GMDS: variants seen among roughly 807,000 people sequenced by gnomAD.
GMDS encodes the protein GDP-mannose 4,6 dehydratase.
In GMDS, 20 loss-of-function variants were observed where a neutral mutation model predicts 49.9. That is an observed-to-expected ratio of 0.40 (90% CI 0.28 to 0.58). GMDS has a LOEUF of 0.58. GMDS is among the 20% of genes least tolerant of loss of function. The probability of loss-of-function intolerance (pLI) is 0.42; values close to 1 mark genes in which losing one functional copy is unlikely to be tolerated. For synonymous variants in GMDS, 177 were observed against 178.6 expected, an observed-to-expected ratio of 0.99 and a Z score of 0.07; for missense variants, 362 against 481.4, an observed-to-expected ratio of 0.75 and a Z score of 2.32.
At chr6:2,096,764 A>G (rs1009019527) in intron 4 of GMDS, among the ~76,000 whole-genome samples, 1 of 152,200 alleles carries the variant, frequency 6.6e-6, no homozygotes, top group African/African-American at 2.4e-5. Context: ...GAGGTTCTCC[A>G]TTCAAACAGA....
chr6:1,842,060 A>G (rs2113748407), intron 7 of GMDS, among the ~76,000 whole-genome samples: 1 of 152,260 alleles, frequency 6.6e-6, no homozygotes, highest in East Asian at 1.9e-4. Flanking sequence ...ACCATTCTCC[A>G]TATTCACATA....
At chr6:1,875,148 T>A (rs1458360179) in intron 7 of GMDS, among the ~76,000 whole-genome samples, 1 of 152,116 alleles carries the variant, frequency 6.6e-6, no homozygotes, top group African/African-American at 2.4e-5. Context: ...AAGAATAATA[T>A]CCAATAGAGT....
intron 9 of GMDS, among the ~76,000 whole-genome samples, chr6:1,657,365 C>A (rs750046735): frequency 1.8e-3 from 277 of 152,296 alleles, no homozygotes; most frequent in Admixed American, 2.7e-3. Flanking sequence ...TAGGCAGGTG[C>A]TGAAATGAGA....
intron 7 of GMDS, among the ~76,000 whole-genome samples, chr6:1,826,722 A>G (rs747212431): frequency 3.3e-5 from 5 of 152,168 alleles, no homozygotes; most frequent in African/African-American, 4.8e-5. Context: ...TTCATTTTAG[A>G]AGCCCAGTAT....
intron 7 of GMDS, among the ~76,000 whole-genome samples, chr6:1,927,722 C>A (rs910104923): frequency 1.3e-5 from 2 of 152,196 alleles, no homozygotes; most frequent in South Asian, 2.1e-4. Context: ...ATGACAGCAG[C>A]GTCCTTCTTT....
At chr6:2,198,534 A>G (rs1257832697) in intron 1 of GMDS, among the ~76,000 whole-genome samples, 57 of 151,856 alleles carry the variant, frequency 3.8e-4, no homozygotes, top group Non-Finnish European at 8.8e-5. Flanking sequence ...CATGTTCCAG[A>G]GATCACTGGA....
intron 9 of GMDS, 25 bp downstream of exon 9, chr6:1,726,391 C>A (rs766175296): frequency 1.3e-6 from 2 of 1,511,084 alleles, no homozygotes; most frequent in East Asian, 4.5e-5. Flanking sequence ...TGTGGCCACG[C>A]ACTGGGTGGC....
chr6:1,844,616 C>T (rs1757303376), intron 7 of GMDS, among the ~76,000 whole-genome samples: 1 of 152,176 alleles, frequency 6.6e-6, no homozygotes, highest in Non-Finnish European at 1.5e-5. Flanking sequence ...TAACAACCTA[C>T]ACCTTTTTTC....
intron 7 of GMDS, among the ~76,000 whole-genome samples, chr6:1,877,543 A>G (rs1254215907): frequency 6.7e-6 from 1 of 148,346 alleles, no homozygotes; most frequent in Non-Finnish European, 1.5e-5. Flanking sequence ...GAAGTTGAGG[A>G]GGGAGGATCA....
chr6:1,645,621 C>T (rs1400296703), intron 9 of GMDS, among the ~76,000 whole-genome samples: 1 of 152,214 alleles, frequency 6.6e-6, no homozygotes, highest in Non-Finnish European at 1.5e-5. Context: ...TTTCTGCAGG[C>T]TCTCCTGGGG....
intron 7 of GMDS, among the ~76,000 whole-genome samples, chr6:1,849,427 G>C (rs1561844173): frequency 6.6e-6 from 1 of 152,166 alleles, no homozygotes; most frequent in Non-Finnish European, 1.5e-5. Flanking sequence ...TAGGAATGTA[G>C]TGACTTCATG....
intron 4 of GMDS, among the ~76,000 whole-genome samples, chr6:1,997,947 G>T (rs1444948720): frequency 6.6e-6 from 1 of 152,110 alleles, no homozygotes; most frequent in African/African-American, 2.4e-5. Context: ...GAAATGCAAA[G>T]ATACTGCCTC....
chr6:2,238,104 G>C (rs968604503), intron 1 of GMDS, among the ~76,000 whole-genome samples: 8 of 151,836 alleles, frequency 5.3e-5, no homozygotes, highest in African/African-American at 1.9e-4. Context: ...TTAAGACAAA[G>C]AGGCCAGGTG....
At chr6:2,073,054 A>G (rs1395371451) in intron 4 of GMDS, among the ~76,000 whole-genome samples, 1 of 152,190 alleles carries the variant, frequency 6.6e-6, no homozygotes, top group Non-Finnish European at 1.5e-5. Flanking sequence ...TGTTTCCACC[A>G]TGGGATGTTT....
chr6:2,048,223 C>T (rs71552106), intron 4 of GMDS, among the ~76,000 whole-genome samples: 1,642 of 152,318 alleles, frequency 0.011, 25 homozygotes, highest in Non-Finnish European at 0.016. Flanking sequence ...AAATATTCTA[C>T]TCTATCATGT....
At chr6:1,861,697 G>C (rs997402539) in intron 7 of GMDS, among the ~76,000 whole-genome samples, 3 of 152,070 alleles carry the variant, frequency 2.0e-5, no homozygotes, top group African/African-American at 4.8e-5. Context: ...TAATTGGCTA[G>C]AGTGATCTGG....
intron 4 of GMDS, among the ~76,000 whole-genome samples, chr6:1,999,117 A>T (rs190702378): frequency 0.017 from 2,558 of 152,032 alleles, 24 homozygotes; most frequent in Middle Eastern, 0.044. Flanking sequence ...AGGTCAGGAA[A>T]TCGAGACCAG....
rs35230658 is a variant in GMDS at position 2,059,707 on chromosome 6, C to CAAAA, written c.345+56060_345+56063dup. Among the ~76,000 whole-genome samples, 13 of 17,764 alleles carry CAAAA rather than the reference C, an allele frequency of 7.3e-4. 1 individual carries two copies. In the East Asian group the frequency reaches 0.016, roughly 21 times the overall value. The allele number at this position is 17,764 out of a possible 152,430, so 11.7% of individuals were successfully genotyped here. A position where few individuals can be genotyped will look rare whatever the true frequency, so the allele number is the denominator to read the frequency against. ...TGGGCGACAGAGCGAGACTCCGTCT[C>CAAAA]AAAAAAAAAAAAAAAAAAAATGCAC... On this transcript the variant is annotated intron_variant, in intron 4 of 10. Transcript: ENST00000380815.
chr6:1,825,037 G>A (rs1428192134), intron 7 of GMDS, among the ~76,000 whole-genome samples: 1 of 152,178 alleles, frequency 6.6e-6, no homozygotes, highest in Non-Finnish European at 1.5e-5. Context: ...TCTTGGGCCA[G>A]AATTTACTGG....
Sources: gnomAD v4.1 joint callset for allele counts (sites outside exome capture counted in the v4.1 genomes callset) on GRCh38, gnomAD v4.1.1 for gene constraint, MANE v1.5 for transcripts, NCBI Gene and HGNC (gene_info 2026-07-23, HGNC 2026-07-21) for gene names.